The following EPHA10 variants were observed in gnomAD, a reference collection of about 807,000 sequenced individuals.
EPHA10 encodes ephrin type-A receptor 10.
A neutral mutation model predicts 109.7 loss-of-function variants in EPHA10; 120 were observed. That is an observed-to-expected ratio of 1.09 (90% confidence interval 0.94 to 1.27). The LOEUF (loss-of-function observed/expected upper bound fraction) is 1.27. Ranked by LOEUF, EPHA10 falls within the 50% of genes most tolerant of loss-of-function variation. The pLI is 0.00. For synonymous variants in EPHA10, 640 were observed against 618.9 expected, an observed-to-expected ratio of 1.03 and a Z score of -0.51; for missense variants, 1,396 against 1,411.1, an observed-to-expected ratio of 0.99 and a Z score of 0.17.
chr1:37,752,876 C>T lies in EPHA10; in HGVS notation c.1357G>A (p.Ala453Thr). Residue 453 changes from alanine to threonine, a missense_variant and splice_region_variant, in exon 5 of 17, where the codon GCG becomes ACG. Physicochemically the swap from Ala to Thr is moderately conservative, Grantham distance 58. Coordinates refer to ENST00000373048, the MANE Select transcript of EPHA10 (RefSeq NM_001099439.2). The stretch of plus-strand genomic sequence containing the variant: ...GGGTGGGGGGCGCGGACGGCCTTAC[C>T]CCCGGGCCCGGTGGAGACGGTGACC... ...AQVTVSTGPG[A>T]PWEEDEIRRD... 7.8e-7 allele frequency: 1 copy of T among 1,288,934 alleles called. No homozygotes were observed. Among genetic ancestry groups the T allele is most frequent in the Non-Finnish European group, 9.8e-7 (1 of 1,021,748 alleles). The allele number at this position is 1,288,934 out of a possible 1,614,324, so 79.8% of individuals were successfully genotyped here.
chr1:37,719,822 A>C (rs550363808), intron 14 of EPHA10, 87 bp downstream of exon 14: 1 of 1,602,332 alleles, frequency 6.2e-7, no homozygotes, highest in South Asian at 1.1e-5. Flanking sequence ...AGGCAGGAAG[A>C]TTGAGGGCCA....
chr1:37,723,458 C>T lies in EPHA10; in HGVS notation c.1773-86G>A, dbSNP rs75141498. ...GCACTGAGGGCAGCACCTCTTTGTC[C>T]CTTCAAAAGACAAGGCCTGTGCCCT... On this transcript the variant is annotated intron_variant, in intron 8 of 16. Coordinates refer to ENST00000373048, the MANE Select transcript of EPHA10 (RefSeq NM_001099439.2). 2.5e-3 allele frequency: 3,621 copies of T among 1,463,252 alleles called. 89 individuals are homozygous for T. In the African/African-American group the frequency reaches 0.046, roughly 18 times the overall value. 90.6% of individuals were successfully genotyped at this position (1,463,252 alleles called of 1,614,324 possible). A position where few individuals can be genotyped will look rare whatever the true frequency, so the allele number is the denominator to read the frequency against.
chr1:37,763,123 C>T (rs1483682827), intron 1 of EPHA10, among the ~76,000 whole-genome samples: 1 of 152,166 alleles, frequency 6.6e-6, no homozygotes, highest in East Asian at 1.9e-4. Context: ...TAAAACAACA[C>T]AATATTTTTC....
chr1:37,721,951 C>A, intron 10 of EPHA10, 106 bp from the exon 11 acceptor site: 1 of 1,131,658 alleles, frequency 8.8e-7, no homozygotes, highest in Non-Finnish European at 1.2e-6. Flanking sequence ...GCCAACATGG[C>A]GAAACCCAGT....
At chr1:37,762,702 G>T in intron 2 of EPHA10, 83 bp downstream of exon 2, 1 of 1,283,840 alleles carries the variant, frequency 7.8e-7, no homozygotes, top group Non-Finnish European at 1.0e-6. Flanking sequence ...ACTTTTGTCT[G>T]ATGTAAACAT....
At chr1:37,737,969 C>T (rs1173580814) in intron 5 of EPHA10, 2 of 43,528 alleles carry the variant, frequency 4.6e-5, no homozygotes, top group Non-Finnish European at 9.0e-5. Flanking sequence ...TGCTATCAAG[C>T]GAGGCAGTGG....
chr1:37,735,467 G>T, intron 5 of EPHA10, 77 bp from the exon 6 acceptor site: 1 of 1,500,078 alleles, frequency 6.7e-7, no homozygotes, highest in East Asian at 2.4e-5. Flanking sequence ...AGAGGGTGCG[G>T]CGTGCGGGGC....
rs373003433 is a variant in EPHA10 at position 37,764,941 on chromosome 1, G to C, written c.106+20C>G. 6 of 1,591,744 alleles carry C rather than the reference G, an allele frequency of 3.8e-6. No individual in the cohort carries two copies. The highest frequency in any genetic ancestry group is 5.1e-6 in the Non-Finnish European group (6 of 1,170,086). ...CTTTTGGTATGCCACGCTCCGAGCA[G>C]AGCTCACCAGTCTTCTCACCTTCCT... On this transcript the variant is annotated intron_variant, in intron 1 of 16. Coordinates refer to ENST00000373048, the MANE Select transcript of EPHA10 (RefSeq NM_001099439.2). The surrounding 1 kb of genome is among the most constrained non-coding windows in gnomAD (Gnocchi z 5.8).
In EPHA10 at chr1:37,735,461, GGTGCGGC is replaced by G. The variant is rs756506753; in HGVS notation, c.1358-78_1358-72del. On this transcript the variant is annotated intron_variant, in intron 5 of 16. Transcript: ENST00000373048. ...GCAGGGCTGGGGGTGCGGGGAAGAG[GGTGCGGC>G]GTGCGGGGCTGTGGGACCGGACTAG... 4.0e-5 allele frequency: 60 copies of G among 1,513,388 alleles called. 1 individual carries two copies. In the Middle Eastern group the frequency reaches 2.5e-3, roughly 62 times the overall value. The allele number at this position is 1,513,388 out of a possible 1,614,324, so 93.7% of individuals were successfully genotyped here. A position where few individuals can be genotyped will look rare whatever the true frequency, so the allele number is the denominator to read the frequency against.
intron 5 of EPHA10, among the ~76,000 whole-genome samples, chr1:37,741,156 T>G (rs1011600230): frequency 6.6e-6 from 1 of 152,228 alleles, no homozygotes; most frequent in Non-Finnish European, 1.5e-5. Flanking sequence ...AGAACAATGA[T>G]GACACCTCCT....
At chr1:37,728,162 C>A (rs983803348) in intron 7 of EPHA10, among the ~76,000 whole-genome samples, 1 of 152,156 alleles carries the variant, frequency 6.6e-6, no homozygotes, top group Non-Finnish European at 1.5e-5. Context: ...CACACTGGGT[C>A]TGAAAATGGC....
chr1:37,758,252 C>A (rs566283465), intron 3 of EPHA10, among the ~76,000 whole-genome samples: 1 of 152,098 alleles, frequency 6.6e-6, no homozygotes, highest in East Asian at 1.9e-4. Context: ...GGATGGGGAT[C>A]CCCCCCATAT....
At chr1:37,719,871 G>C (rs1260647449) in intron 14 of EPHA10, 38 bp downstream of exon 14, 7 of 1,613,686 alleles carry the variant, frequency 4.3e-6, no homozygotes, top group Non-Finnish European at 5.9e-6. Flanking sequence ...GAGCTGAGAG[G>C]GTCAGAAGGC....
Position 37,754,151 on chromosome 1 carries a change from G to A in EPHA10, c.1006+64C>T. On this transcript the variant is annotated intron_variant, in intron 4 of 16. Transcript: ENST00000373048. The surrounding 1 kb of genome is among the most constrained non-coding windows in gnomAD (Gnocchi z 4.5). ...CCTGCCCTCACCACCACCTGGATCA[G>A]GCCTTCCTTCTTGGCCACTCCCACC... 8.0e-7 allele frequency: 1 copy of A among 1,252,598 alleles called. No individual in the cohort carries two copies. Among genetic ancestry groups the A allele is most frequent in the African/African-American group, 1.6e-5 (1 of 64,510 alleles). 77.6% of individuals were successfully genotyped at this position (1,252,598 alleles called of 1,614,324 possible).
At chr1:37,734,056 A>G (rs1347938393) in intron 6 of EPHA10, among the ~76,000 whole-genome samples, 1 of 152,072 alleles carries the variant, frequency 6.6e-6, no homozygotes, top group Non-Finnish European at 1.5e-5. Context: ...CTCATCCCCA[A>G]CACTCACAGG....
intron 5 of EPHA10, among the ~76,000 whole-genome samples, chr1:37,748,428 G>A (rs1005962069): frequency 1.2e-4 from 18 of 152,186 alleles, no homozygotes; most frequent in African/African-American, 4.3e-4. Flanking sequence ...TTCCCAGGCA[G>A]TTTTTTATGC....
intron 5 of EPHA10, among the ~76,000 whole-genome samples, chr1:37,740,748 C>T (rs1399524848): frequency 6.6e-6 from 1 of 151,982 alleles, no homozygotes; most frequent in African/African-American, 2.4e-5. Context: ...GGTTAGTGTT[C>T]GGCAAAGGGG....
intron 3 of EPHA10, among the ~76,000 whole-genome samples, chr1:37,758,128 G>A (rs188821946): frequency 8.2e-4 from 125 of 152,262 alleles, no homozygotes; most frequent in African/African-American, 2.8e-3. Context: ...AAACTATAGA[G>A]TATGTAAAAA....
At chr1:37,720,293 C>T in intron 13 of EPHA10, 58 bp downstream of exon 13, 1 of 1,530,856 alleles carries the variant, frequency 6.5e-7, no homozygotes, top group Non-Finnish European at 8.8e-7. Context: ...TTAAGGGCTC[C>T]AGGGCAGCTT....
Sources: allele counts gnomAD v4.1 joint callset (sites outside exome capture counted in the v4.1 genomes callset), GRCh38; gene constraint gnomAD v4.1.1; non-coding constraint Gnocchi (gnomAD v3.1); transcripts MANE v1.5; gene names NCBI Gene and HGNC (gene_info 2026-07-23, HGNC 2026-07-21).